Variants in MEGF11 observed in about 807,000 individuals in gnomAD.
The protein encoded by MEGF11 is multiple EGF like domains 11.
Under a neutral mutation model 146.6 loss-of-function variants are expected in MEGF11, and 126 were observed. That is an observed-to-expected ratio of 0.86 (90% CI 0.74 to 1.00). MEGF11 has a LOEUF of 1.00. Among genes scored for constraint, MEGF11 ranks in the 50% least tolerant of loss-of-function variants. MEGF11 has a pLI of 0.00. For synonymous variants in MEGF11, 532 were observed against 583.4 expected, an observed-to-expected ratio of 0.91 and a Z score of 1.27; for missense variants, 1,509 against 1,521.2, an observed-to-expected ratio of 0.99 and a Z score of 0.13.
At chr15:66,134,799 G>A (rs905781334) in intron 1 of MEGF11, among the ~76,000 whole-genome samples, 1 of 152,260 alleles carries the variant, frequency 6.6e-6, no homozygotes, top group Non-Finnish European at 1.5e-5. Context: ...ATGATGGGCT[G>A]GACAGCAAGC....
intron 4 of MEGF11, among the ~76,000 whole-genome samples, chr15:66,115,669 C>T (rs1048280105): frequency 6.6e-6 from 1 of 152,002 alleles, no homozygotes; most frequent in African/African-American, 2.4e-5. Context: ...AGCCGCAGCA[C>T]CTGAGACACG....
intron 5 of MEGF11, among the ~76,000 whole-genome samples, chr15:66,083,765 A>T (rs1174709400): frequency 3.9e-5 from 6 of 152,124 alleles, no homozygotes; most frequent in African/African-American, 1.4e-4. Flanking sequence ...AAAATTTAAA[A>T]AATTAGCCCA....
At position 65,897,951 on chromosome 15, in the gene MEGF11, G is replaced by C; in HGVS notation, c.3406C>G (p.Gln1136Glu). 1 of 1,613,890 alleles carries C rather than the reference G, an allele frequency of 6.2e-7. No homozygotes were observed. The highest frequency in any genetic ancestry group is 1.1e-5 in the South Asian group (1 of 91,082). ...VRQSPANGPS[Q>E]DKQS ...TATCCCTCTTAAGATTGCTTGTCCT[G>C]GGACGGCCCATTGGCAGGGCTCTGT... The change falls in exon 26 of 26, where the codon CAG becomes GAG. Residue 1136 changes from glutamine (Q) to glutamate (E), a missense_variant. Physicochemically the swap from Gln to Glu is conservative, Grantham distance 29. Coordinates refer to ENST00000395614, the MANE Select transcript of MEGF11 (RefSeq NM_001385028.1).
intron 8 of MEGF11, among the ~76,000 whole-genome samples, chr15:65,965,888 C>T (rs567612623): frequency 2.6e-5 from 4 of 152,230 alleles, no homozygotes; most frequent in African/African-American, 9.6e-5. Context: ...TGGCATTAAG[C>T]ACATTCGCAC....
At chr15:66,177,923 G>A (rs764956233) in intron 1 of MEGF11, among the ~76,000 whole-genome samples, 1 of 152,046 alleles carries the variant, frequency 6.6e-6, no homozygotes, top group African/African-American at 2.4e-5. Context: ...GAGCTTAAGC[G>A]ATCTGCCTGC....
chr15:65,927,816 C>T (rs1319506898), intron 13 of MEGF11, among the ~76,000 whole-genome samples: 10 of 152,172 alleles, frequency 6.6e-5, no homozygotes, highest in Admixed American at 6.5e-4. Flanking sequence ...GAGCCAGATC[C>T]CGTGGGCCCT....
intron 1 of MEGF11, among the ~76,000 whole-genome samples, chr15:66,141,275 TGTGTGTGTGTGTGTGAGAGA>T (rs1031502363): frequency 1.2e-4 from 15 of 130,358 alleles, no homozygotes; most frequent in East Asian, 3.2e-4. Context: ...TGTGTGTGTG[TGTGTGTGTGTGTGTGAGAGA>T]GAGAGAGAGA....
intron 5 of MEGF11, among the ~76,000 whole-genome samples, chr15:65,984,386 C>T (rs1002298221): frequency 9.2e-5 from 14 of 151,780 alleles, no homozygotes; most frequent in Non-Finnish European, 1.6e-4. Context: ...ATTAGACTGG[C>T]GTGGCAGCAT....
chr15:66,035,019 T>C (rs1386008623), intron 5 of MEGF11, among the ~76,000 whole-genome samples: 1 of 152,174 alleles, frequency 6.6e-6, no homozygotes, highest in African/African-American at 2.4e-5. Flanking sequence ...GCTCTCGTAC[T>C]TCCCAGCCTT....
At chr15:66,211,859 CCT>C (rs1347150958) in intron 1 of MEGF11, among the ~76,000 whole-genome samples, 1 of 151,772 alleles carries the variant, frequency 6.6e-6, no homozygotes, top group Non-Finnish European at 1.5e-5. Flanking sequence ...CATAACTACC[CCT>C]GTCAGAGAAG....
chr15:66,043,155 G>A (rs931909576), intron 5 of MEGF11, among the ~76,000 whole-genome samples: 7 of 152,148 alleles, frequency 4.6e-5, no homozygotes, highest in African/African-American at 1.4e-4. Context: ...AGAGCTCTTC[G>A]AGGCTGGGTC....
At chr15:66,077,937 C>T (rs10152210) in intron 5 of MEGF11, among the ~76,000 whole-genome samples, 74,142 of 152,026 alleles carry the variant, frequency 0.49, 19,747 homozygotes, top group Non-Finnish European at 0.59. Context: ...CCAGGAAGGC[C>T]GGGCCAAGGA....
Position 66,172,822 on chromosome 15 carries a change from A to C in MEGF11, c.-8-44411T>G, listed in dbSNP as rs77930935. ...TACCAATGAGGAAACAGGCTCAGAC[A>C]GGACTGCAGCTTGCCCTAGGTCACA... is the stretch of plus-strand genomic sequence containing the variant. On this transcript the variant is annotated intron_variant, in intron 1 of 25. Transcript: ENST00000395614. Among the ~76,000 whole-genome samples, 675 of 152,358 alleles carry C rather than the reference A, an allele frequency of 4.4e-3. 5 individuals are homozygous for C. Among genetic ancestry groups the C allele is most frequent in the East Asian group, 0.021 (111 of 5,188 alleles).
At chr15:66,119,243 A>G in intron 3 of MEGF11, 57 bp from the exon 4 acceptor site, 1 of 1,209,880 alleles carries the variant, frequency 8.3e-7, no homozygotes, top group Admixed American at 2.0e-5. Flanking sequence ...ACTCCCATTT[A>G]GAATGATATT....
chr15:66,240,867 G>T (rs2092195285), intron 1 of MEGF11, among the ~76,000 whole-genome samples: 1 of 152,188 alleles, frequency 6.6e-6, no homozygotes, highest in Admixed American at 6.5e-5. Flanking sequence ...AAGCTTTTTG[G>T]ATTTGTGTCT....
At chr15:66,131,555 G>A (rs979510899) in intron 1 of MEGF11, among the ~76,000 whole-genome samples, 1 of 152,200 alleles carries the variant, frequency 6.6e-6, no homozygotes, top group Non-Finnish European at 1.5e-5. Flanking sequence ...AGGAACTTTG[G>A]AGGAACCAGA....
chr15:66,055,630 T>A (rs541908053), intron 5 of MEGF11, among the ~76,000 whole-genome samples: 1 of 152,132 alleles, frequency 6.6e-6, no homozygotes, highest in East Asian at 1.9e-4. Context: ...TTTGGTAACA[T>A]TCGGGACTCA....
rs935725171 is a variant in MEGF11, at chr15:66,091,134, C to T, written c.394+3268G>A. On this transcript the variant is annotated intron_variant, in intron 5 of 25. Coordinates refer to ENST00000395614, the MANE Select transcript of MEGF11 (RefSeq NM_001385028.1). ...TCTGAAAGGGTGTCACACATATAGA[C>T]CCCACTCAGTGATCTCCAGAGACCA... Among the ~76,000 whole-genome samples, 99 of 152,294 alleles carry T rather than the reference C, an allele frequency of 6.5e-4. 2 individuals are homozygous for T. Among genetic ancestry groups the T allele is most frequent in the Admixed American group, 4.4e-3 (68 of 15,300 alleles).
intron 1 of MEGF11, among the ~76,000 whole-genome samples, chr15:66,240,199 G>C (rs965761510): frequency 2.0e-5 from 3 of 152,226 alleles, no homozygotes; most frequent in African/African-American, 7.2e-5. Flanking sequence ...GTCCAGCAGG[G>C]CCTTGCTCAG....
Sources: gnomAD v4.1 joint callset for allele counts (sites outside exome capture counted in the v4.1 genomes callset) on GRCh38, gnomAD v4.1.1 for gene constraint, MANE v1.5 for transcripts, NCBI Gene and HGNC (gene_info 2026-07-23, HGNC 2026-07-21) for gene names.